PDE1C: variants seen among roughly 807,000 people sequenced by gnomAD.
PDE1C encodes phosphodiesterase 1C, also known as dual specificity calcium/calmodulin-dependent 3',5'-cyclic nucleotide phosphodiesterase 1C.
Under a neutral mutation model 93.1 loss-of-function variants are expected in PDE1C, and 62 were observed. The ratio of observed to expected loss-of-function variants is 0.67; its 90% CI spans 0.54 to 0.82. PDE1C has a LOEUF of 0.82. Ranked by LOEUF, PDE1C falls within the 40% of genes least tolerant of loss-of-function variation. The probability of loss-of-function intolerance (pLI) is 0.00; values close to 1 mark genes in which losing one functional copy is unlikely to be tolerated. For synonymous variants in PDE1C, 325 were observed against 310.1 expected, an observed-to-expected ratio of 1.05 and a Z score of -0.50; for missense variants, 742 against 884.6, an observed-to-expected ratio of 0.84 and a Z score of 2.04.
the PDE1C span, among the ~76,000 whole-genome samples, chr7:31,684,602 AAG>A: frequency 6.6e-6 from 1 of 152,250 alleles, no homozygotes; most frequent in South Asian, 2.1e-4. Flanking sequence ...GAAGGTAGAC[AAG>A]AGACATGAAG....
intron 2 of PDE1C, among the ~76,000 whole-genome samples, chr7:31,927,303 C>T (rs1342935745): frequency 6.6e-6 from 1 of 152,158 alleles, no homozygotes; most frequent in African/African-American, 2.4e-5. Context: ...CAGTCAGGGG[C>T]TTATAGATAA....
At chr7:32,199,794 C>G (rs1489230311) in intron 2 of PDE1C, among the ~76,000 whole-genome samples, 1 of 151,926 alleles carries the variant, frequency 6.6e-6, no homozygotes, top group Non-Finnish European at 1.5e-5. Context: ...AAAATTGAAA[C>G]CTAAAATGCT....
Position 31,966,158 on chromosome 7 carries a change from A to G in PDE1C, c.129-85298T>C, listed in dbSNP as rs891044591. Among the ~76,000 whole-genome samples the G allele has an allele frequency of 3.3e-5, 5 of 152,344 alleles. No homozygotes were observed. In the East Asian group the frequency reaches 9.7e-4, roughly 29 times the overall value. ...TAAATATTCCAATTAAAAGGCACAG[A>G]CTGGCAAACTGGATAAAGAGTCAAG... On this transcript the variant is annotated intron_variant, in intron 2 of 17. Transcript: ENST00000396191.
At chr7:32,238,337 G>T (rs527476582) in intron 1 of PDE1C, among the ~76,000 whole-genome samples, 1 of 152,296 alleles carries the variant, frequency 6.6e-6, no homozygotes, top group African/African-American at 2.4e-5. Context: ...TTTATTAAAA[G>T]ATAGTAAAGA....
chr7:31,800,137 A>G (rs1785817512), intron 16 of PDE1C, among the ~76,000 whole-genome samples: 1 of 151,626 alleles, frequency 6.6e-6, no homozygotes, highest in African/African-American at 2.4e-5. Context: ...TTATTATTTA[A>G]TACTGAGTAT....
chr7:32,379,203 C>A (rs908671597), intron 1 of PDE1C, among the ~76,000 whole-genome samples: 3 of 152,178 alleles, frequency 2.0e-5, no homozygotes, highest in Non-Finnish European at 4.4e-5. Context: ...ACTGTGACAC[C>A]CTTGAGGGCA....
chr7:31,746,178 G>C, the PDE1C span, among the ~76,000 whole-genome samples: 4 of 152,312 alleles, frequency 2.6e-5, no homozygotes, highest in East Asian at 7.7e-4. Context: ...GGGGGAGTCT[G>C]ACATGAGAGG....
chr7:31,969,792 C>G (rs1433333285), intron 2 of PDE1C, among the ~76,000 whole-genome samples: 1 of 152,166 alleles, frequency 6.6e-6, no homozygotes, highest in Non-Finnish European at 1.5e-5. Flanking sequence ...CACATATACA[C>G]CATGGAATAC....
intron 3 of PDE1C, among the ~76,000 whole-genome samples, chr7:32,082,585 T>A (rs1434904240): frequency 6.6e-6 from 1 of 152,202 alleles, no homozygotes; most frequent in East Asian, 1.9e-4. Context: ...CTGAGCAGCC[T>A]AACTGGGAGG....
chr7:31,695,704 A>T, the PDE1C span: 225 of 1,396,074 alleles, frequency 1.6e-4, 3 homozygotes, highest in East Asian at 3.5e-3. Flanking sequence ...TTTTCCTTAA[A>T]TATTCAGGTA....
intron 16 of PDE1C, among the ~76,000 whole-genome samples, chr7:31,778,696 C>T (rs1342375650): frequency 1.8e-4 from 27 of 152,170 alleles, no homozygotes; most frequent in Admixed American, 1.8e-3. Context: ...TAGTCACTCC[C>T]ACATATTAAG....
At chr7:32,256,228 C>T (rs921694105) in intron 1 of PDE1C, among the ~76,000 whole-genome samples, 1 of 152,166 alleles carries the variant, frequency 6.6e-6, no homozygotes, top group Non-Finnish European at 1.5e-5. Flanking sequence ...CAGATGTCTC[C>T]CAGAAGTTTT....
At chr7:31,677,782 G>T in the PDE1C span, among the ~76,000 whole-genome samples, 1 of 152,024 alleles carries the variant, frequency 6.6e-6, no homozygotes, top group Non-Finnish European at 1.5e-5. Flanking sequence ...CTATCATATT[G>T]TATCAGAAAA....
chr7:31,771,310 G>A (rs185145292), intron 17 of PDE1C, among the ~76,000 whole-genome samples: 3 of 152,250 alleles, frequency 2.0e-5, no homozygotes, highest in Admixed American at 2.0e-4. Context: ...ATTTTTCACA[G>A]CAGCTGTGTT....
At chr7:31,631,947 G>A in the PDE1C span, among the ~76,000 whole-genome samples, 15 of 152,232 alleles carry the variant, frequency 9.9e-5, no homozygotes, top group South Asian at 2.7e-3. Flanking sequence ...CTTTGATGAC[G>A]CCGGCCGACC....
intron 2 of PDE1C, among the ~76,000 whole-genome samples, chr7:31,934,561 C>CA (rs70989623): frequency 0.33 from 47,732 of 145,342 alleles, 7,923 homozygotes; most frequent in East Asian, 0.44. Context: ...ACCACCAATA[C>CA]AAAAAAAAAA....
intron 17 of PDE1C, among the ~76,000 whole-genome samples, chr7:31,761,102 G>GGATGAGGAAACTGAGGCTTAGAGA (rs756849102): frequency 6.6e-6 from 1 of 151,450 alleles, no homozygotes; most frequent in Admixed American, 6.6e-5. Context: ...CATGTATTTT[G>GGATGAGGAAACTGAGGCTTAGAGA]GCTAAAGTAA....
At chr7:32,272,065 A>C (rs958933340) in intron 1 of PDE1C, among the ~76,000 whole-genome samples, 1 of 152,260 alleles carries the variant, frequency 6.6e-6, no homozygotes, top group Non-Finnish European at 1.5e-5. Context: ...GAAATGAAGA[A>C]GCTCATTAAC....
chr7:31,840,046 A>G (rs1006483503), intron 9 of PDE1C, among the ~76,000 whole-genome samples: 2 of 152,198 alleles, frequency 1.3e-5, no homozygotes, highest in African/African-American at 4.8e-5. Flanking sequence ...CAATTAAAAA[A>G]GAAAAAAGAA....
Sources: gnomAD v4.1 joint callset for allele counts (sites outside exome capture counted in the v4.1 genomes callset) on GRCh38, gnomAD v4.1.1 for gene constraint, MANE v1.5 for transcripts, NCBI Gene and HGNC (gene_info 2026-07-23, HGNC 2026-07-21) for gene names.